The following ZNF578 variants were observed in gnomAD, a reference collection of about 807,000 sequenced individuals.
ZNF578 encodes the protein Putative chemokine-related protein B42.
A neutral mutation model predicts 8.3 loss-of-function variants in ZNF578; 8 were observed. The ratio of observed to expected loss-of-function variants is 0.96; its 90% CI spans 0.56 to 1.74. The LOEUF (loss-of-function observed/expected upper bound fraction) is 1.74, where lower values mean the gene tolerates loss of function less well. Ranked by LOEUF, ZNF578 falls within the 40% of genes most tolerant of loss-of-function variation. The probability of loss-of-function intolerance (pLI) is 0.00; values close to 1 mark genes in which losing one functional copy is unlikely to be tolerated. For synonymous variants in ZNF578, 206 were observed against 232.2 expected, an observed-to-expected ratio of 0.89 and a Z score of 1.03; for missense variants, 726 against 707.5, an observed-to-expected ratio of 1.03 and a Z score of -0.30.
Position 52,469,596 on chromosome 19 carries a change from A to T in ZNF578, c.-122+12638A>T, listed in dbSNP as rs1378483833. 3.9e-5 allele frequency among the ~76,000 whole-genome samples: 6 copies of T among 152,320 alleles called. No homozygotes were observed. In the East Asian group the frequency reaches 1.2e-3, roughly 29 times the overall value. ...ACAGAGAACACTGATAGTCCTTGGT[A>T]TGCATTGTTCAGAGACTTGTGCAAA... On this transcript the variant is annotated intron_variant, in intron 2 of 5. Coordinates refer to ENST00000421239, the MANE Select transcript of ZNF578 (RefSeq NM_001099694.2).
At chr19:52,471,861 T>G (rs2059292812) in intron 2 of ZNF578, among the ~76,000 whole-genome samples, 2 of 152,198 alleles carry the variant, frequency 1.3e-5, no homozygotes, top group South Asian at 4.1e-4. Context: ...CTAGTCAGTC[T>G]GCCAAAAGAA....
intron 2 of ZNF578, among the ~76,000 whole-genome samples, chr19:52,469,167 GTT>G (rs3054902): frequency 7.7e-6 from 1 of 130,612 alleles, no homozygotes. Context: ...GTTTTTTTTT[GTT>G]TTTTTTTTTT....
At chr19:52,484,095 C>G (rs2059336507) in intron 2 of ZNF578, among the ~76,000 whole-genome samples, 1 of 152,134 alleles carries the variant, frequency 6.6e-6, no homozygotes, top group Non-Finnish European at 1.5e-5. Context: ...GTAGAGAGGT[C>G]AGCAGGAAAA....
chr19:52,511,214 G>A lies in ZNF578; in HGVS notation c.833G>A (p.Arg278His), dbSNP rs1217654230. The A allele has an allele frequency of 5.0e-6, 8 of 1,614,044 alleles. No homozygotes were observed. The highest frequency in any genetic ancestry group is 4.5e-5 in the East Asian group (2 of 44,884). ...FNEKRYLARH[R>H]RCHTSEKPYK... ...GAGAAGCGATACCTTGCACGCCATC[G>A]TAGATGTCACACTAGTGAGAAACCT... The change falls in exon 6 of 6, where the codon CGT becomes CAT. Residue 278 changes from arginine to histidine, a missense_variant. By Grantham distance (29) the Arg-to-His change is conservative. Coordinates refer to ENST00000421239, the MANE Select transcript of ZNF578 (RefSeq NM_001099694.2).
chr19:52,509,097 T>C (rs2059435544), intron 5 of ZNF578, among the ~76,000 whole-genome samples: 1 of 151,864 alleles, frequency 6.6e-6, no homozygotes, highest in Non-Finnish European at 1.5e-5. Flanking sequence ...AGAGATGCAG[T>C]TTCCCCATGT....
chr19:52,502,900 G>C (rs6509650), intron 4 of ZNF578, among the ~76,000 whole-genome samples: 18,257 of 152,040 alleles, frequency 0.12, 1,236 homozygotes, highest in African/African-American at 0.19. Context: ...CCATATGTAT[G>C]TATGTATTTT....
At chr19:52,503,708 A>AC (rs894317876) in intron 4 of ZNF578, among the ~76,000 whole-genome samples, 6 of 151,886 alleles carry the variant, frequency 4.0e-5, no homozygotes, top group African/African-American at 1.5e-4. Flanking sequence ...TCTCTGAAAC[A>AC]CCACTTGTAT....
At chr19:52,480,258 T>A (rs1455951975) in intron 2 of ZNF578, among the ~76,000 whole-genome samples, 5 of 152,166 alleles carry the variant, frequency 3.3e-5, no homozygotes, top group African/African-American at 4.8e-5. Flanking sequence ...AAAGATTGAT[T>A]TCCAGCATCT....
rs1376805562 is a variant in ZNF578 at position 52,512,405 on chromosome 19, T to A, written c.*251T>A. 6.8e-7 allele frequency: 1 copy of A among 1,466,582 alleles called. No individual in the cohort carries two copies. Among genetic ancestry groups the A allele is most frequent in the Non-Finnish European group, 9.5e-7 (1 of 1,049,042 alleles). The allele number at this position is 1,466,582 out of a possible 1,614,324, so 90.8% of individuals were successfully genotyped here. A position where few individuals can be genotyped will look rare whatever the true frequency, so the allele number is the denominator to read the frequency against. The stretch of plus-strand genomic sequence containing the variant: ...ACAACGATTGCAAATCATTGGAGAA[T>A]CCATAATGAAGAGAGATCTTCCGAG... On this transcript the variant is annotated 3_prime_UTR_variant, in exon 6 of 6. Transcript: ENST00000421239.
In ZNF578 at chr19:52,511,058, T is replaced by A; in HGVS notation, c.677T>A (p.Met226Lys). Reference sequence around the variant, plus strand: ...CTCACACAAAAACAGGAAGTACACATGAGAGAAAAATCTTTCCAATGTAAT... The same window carrying A: ...CTCACACAAAAACAGGAAGTACACAAGAGAGAAAAATCTTTCCAATGTAAT... Reference protein sequence around the residue: ...SLLTQKQEVHMREKSFQCNET... With the variant: ...SLLTQKQEVHKREKSFQCNET... The change falls in exon 6 of 6, where the codon ATG becomes AAG. Residue 226 changes from methionine (M) to lysine (K), a missense_variant. By Grantham distance (95) the Met-to-Lys change is moderately conservative. Coordinates refer to ENST00000421239, the MANE Select transcript of ZNF578 (RefSeq NM_001099694.2). 1 of 1,614,174 alleles carries A rather than the reference T, an allele frequency of 6.2e-7. No individual in the cohort carries two copies. The highest frequency in any genetic ancestry group is 8.5e-7 in the Non-Finnish European group (1 of 1,180,022).
intron 2 of ZNF578, among the ~76,000 whole-genome samples, chr19:52,462,769 C>G (rs1002790092): frequency 6.6e-6 from 1 of 152,094 alleles, no homozygotes; most frequent in Non-Finnish European, 1.5e-5. Context: ...TTCCAAAATC[C>G]TTTTCTTTGG....
chr19:52,469,591 T>TTGGTA (rs2059285996), intron 2 of ZNF578, among the ~76,000 whole-genome samples: 1 of 152,328 alleles, frequency 6.6e-6, no homozygotes, highest in African/African-American at 2.4e-5. Context: ...CTGATAGTCC[T>TTGGTA]TGGTATGCAT....
rs35356792 is a variant in ZNF578 at position 52,511,534 on chromosome 19, A to C, written c.1153A>C (p.Thr385Pro). 2 of 1,613,644 alleles carry C rather than the reference A, an allele frequency of 1.2e-6. No homozygotes were observed. Among genetic ancestry groups the C allele is most frequent in the Non-Finnish European group, 1.7e-6 (2 of 1,179,958 alleles). Reference protein sequence around the residue: ...ECGKMFGQNSTLVIHKAIHTG... With the variant: ...ECGKMFGQNSPLVIHKAIHTG... ...TGGCAAGATGTTTGGTCAAAATTCA[A>C]CCCTTGTAATTCATAAGGCAATTCA... The change falls in exon 6 of 6, where the codon ACC becomes CCC. Residue 385 changes from threonine to proline, a missense_variant. Coordinates refer to ENST00000421239, the MANE Select transcript of ZNF578 (RefSeq NM_001099694.2).
intron 2 of ZNF578, among the ~76,000 whole-genome samples, chr19:52,486,316 T>C (rs1295695893): frequency 6.6e-6 from 1 of 152,136 alleles, no homozygotes; most frequent in South Asian, 2.1e-4. Context: ...ATGGTAGAGA[T>C]AGTGATCAAT....
intron 3 of ZNF578, among the ~76,000 whole-genome samples, chr19:52,500,264 A>G (rs1481752026): frequency 6.6e-6 from 1 of 152,162 alleles, no homozygotes; most frequent in East Asian, 1.9e-4. Context: ...GACATGAGAC[A>G]TCAATCAATA....
chr19:52,469,709 A>T (rs2059286212), intron 2 of ZNF578, among the ~76,000 whole-genome samples: 1 of 152,190 alleles, frequency 6.6e-6, no homozygotes, highest in African/African-American at 2.4e-5. Flanking sequence ...ACATTTCTGG[A>T]GAACCAAAGA....
At chr19:52,494,292 G>A (rs1377077787) in intron 3 of ZNF578, among the ~76,000 whole-genome samples, 1 of 151,860 alleles carries the variant, frequency 6.6e-6, no homozygotes, top group Admixed American at 6.6e-5. Context: ...TTCAAGACTA[G>A]CCTAGGCAAA....
chr19:52,501,774 G>T (rs1270487789), intron 3 of ZNF578, 53 bp from the exon 4 acceptor site: 1 of 1,581,320 alleles, frequency 6.3e-7, no homozygotes, highest in Admixed American at 1.8e-5. Context: ...TTTTATCACA[G>T]GAAGGGAGTG....
chr19:52,503,295 C>T (rs2059413880), intron 4 of ZNF578, among the ~76,000 whole-genome samples: 2 of 152,184 alleles, frequency 1.3e-5, no homozygotes. Flanking sequence ...ATCCTCCCCT[C>T]TTGGCCTCCC....
Sources: allele counts gnomAD v4.1 joint callset (sites outside exome capture counted in the v4.1 genomes callset), GRCh38; gene constraint gnomAD v4.1.1; transcripts MANE v1.5; gene names NCBI Gene and HGNC (gene_info 2026-07-23, HGNC 2026-07-21).